Variants in ANKRD40 observed in about 807,000 individuals in gnomAD.
ANKRD40 encodes ankyrin repeat domain 40, also known as ankyrin repeat domain-containing protein 40.
Under a neutral mutation model 35.5 loss-of-function variants are expected in ANKRD40, and 24 were observed. The observed-to-expected ratio is 0.68, with a 90% CI of 0.49 to 0.95. The LOEUF (loss-of-function observed/expected upper bound fraction) is 0.95. Ranked by LOEUF, ANKRD40 falls within the 40% of genes least tolerant of loss-of-function variation. ANKRD40 has a pLI of 0.00. For missense variants in ANKRD40, 361 were observed against 436.0 expected, an observed-to-expected ratio of 0.83 and a Z score of 1.53; for synonymous variants, 147 against 173.5, an observed-to-expected ratio of 0.85 and a Z score of 1.20.
chr17:50,707,745 C>G lies in ANKRD40; in HGVS notation c.-91G>C, dbSNP rs1968360084. 2.0e-6 allele frequency: 2 copies of G among 987,786 alleles called. No individual in the cohort carries two copies. The highest frequency in any genetic ancestry group is 9.4e-5 in the South Asian group (2 of 21,324). The allele number at this position is 987,786 out of a possible 1,614,324, so 61.2% of individuals were successfully genotyped here. On this transcript the variant is annotated 5_prime_UTR_variant, in exon 1 of 5. Transcript: ENST00000285243. The surrounding 1 kb of genome is among the most constrained non-coding windows in gnomAD (Gnocchi z 4.8). The stretch of plus-strand genomic sequence containing the variant: ...CGCCGCCGTCGCCGCGGCCCGCTCC[C>G]GGCCATGGGGAGGGAGCGCGGAACT...
rs1968211481 is a variant in ANKRD40 at position 50,697,324 on chromosome 17, C to G, written c.779-203G>C. On this transcript the variant is annotated intron_variant, in intron 3 of 4. Transcript: ENST00000285243. ...GCCTCTGCTGGGGCAGTTTCCTGCA[C>G]TGTCGTCCGTACTTCTAAGGCTATG... Among the ~76,000 whole-genome samples the G allele has an allele frequency of 2.0e-5, 3 of 152,216 alleles. No homozygotes were observed. The East Asian group carries it at 5.8e-4, about 29-fold the overall frequency.
Position 50,707,559 on chromosome 17 carries a change from G to A in ANKRD40, c.96C>T (p.Ser32=), listed in dbSNP as rs1483285741. 2 of 1,608,174 alleles carry A rather than the reference G, an allele frequency of 1.2e-6. No individual in the cohort carries two copies. Among genetic ancestry groups the A allele is most frequent in the Admixed American group, 3.3e-5 (2 of 59,716 alleles). The change falls in exon 1 of 5, where the codon AGC becomes AGT. Residue 32 remains serine, a synonymous_variant. Transcript: ENST00000285243. The surrounding 1 kb of genome is among the most constrained non-coding windows in gnomAD (Gnocchi z 4.8). ...DIREVQKLVE[S]GVDVNSQNEV... ...CATTTTGGGAGTTCACATCCACCCCGCTCTCCACCAGTTTCTGCACCTCCC... is the reference window on the plus strand; with the variant it reads ...CATTTTGGGAGTTCACATCCACCCCACTCTCCACCAGTTTCTGCACCTCCC...
In ANKRD40 at chr17:50,694,226, T is replaced by G. The variant is rs191099238; in HGVS notation, c.*1771A>C. 10 of 151,762 alleles carry G rather than the reference T, an allele frequency of 6.6e-5. No individual in the cohort carries two copies. The highest frequency in any genetic ancestry group is 2.4e-4 in the African/African-American group (10 of 41,286). 9.4% of individuals were successfully genotyped at this position (151,762 alleles called of 1,614,324 possible). On this transcript the variant is annotated 3_prime_UTR_variant, in exon 5 of 5. Coordinates refer to ENST00000285243, the MANE Select transcript of ANKRD40 (RefSeq NM_052855.4). ...AACCTTCACTCTGCTATGCAAACAC[T>G]GTACAAGGGTGAGTAAGTCACCAGC...
At position 50,694,137 on chromosome 17, in the gene ANKRD40, A is replaced by AAAAAAAAAAAAAG. The variant is rs1052116288; in HGVS notation, c.*1859_*1860insCTTTTTTTTTTTT. 750 of 148,578 alleles carry AAAAAAAAAAAAAG rather than the reference A, an allele frequency of 5.0e-3. 46 individuals carry two copies. The highest frequency in any genetic ancestry group is 0.032 in the East Asian group (163 of 5,082). 9.2% of individuals were successfully genotyped at this position (148,578 alleles called of 1,614,324 possible). A position where few individuals can be genotyped will look rare whatever the true frequency, so the allele number is the denominator to read the frequency against. ...AAAGCAAGACTCCGTCTCAAAAAAAAAAAGAAAAGAAACACCAGGGAGGTT... is the reference window on the plus strand; with the variant it reads ...AAAGCAAGACTCCGTCTCAAAAAAAAAAAAAAAAAAAAGAAAGAAAAGAAACACCAGGGAGGTT... On this transcript the variant is annotated 3_prime_UTR_variant, in exon 5 of 5. Coordinates refer to ENST00000285243, the MANE Select transcript of ANKRD40 (RefSeq NM_052855.4).
chr17:50,706,972 C>G (rs1401113140), intron 1 of ANKRD40, among the ~76,000 whole-genome samples: 2 of 149,238 alleles, frequency 1.3e-5, no homozygotes, highest in African/African-American at 4.9e-5. Context: ...TGAGTTTTCC[C>G]TCAAACAGGC....
At chr17:50,705,845 G>C (rs562332757) in intron 1 of ANKRD40, among the ~76,000 whole-genome samples, 4 of 151,576 alleles carry the variant, frequency 2.6e-5, no homozygotes, top group Non-Finnish European at 4.4e-5. Flanking sequence ...ATCTTTAGTA[G>C]AGACAGGGTT....
chr17:50,705,224 C>G (rs1392752825), intron 1 of ANKRD40, among the ~76,000 whole-genome samples: 2 of 151,588 alleles, frequency 1.3e-5, no homozygotes, highest in African/African-American at 4.8e-5. Context: ...TCACAATACT[C>G]TTCTGGAACA....
At chr17:50,705,826 A>C (rs1968329562) in intron 1 of ANKRD40, among the ~76,000 whole-genome samples, 1 of 151,826 alleles carries the variant, frequency 6.6e-6, no homozygotes, top group Non-Finnish European at 1.5e-5. Flanking sequence ...ACCCCTGGCT[A>C]ATTTTTGTAT....
At chr17:50,706,852 C>T (rs1305345618) in intron 1 of ANKRD40, among the ~76,000 whole-genome samples, 1 of 129,136 alleles carries the variant, frequency 7.7e-6, no homozygotes, top group Non-Finnish European at 1.6e-5. Flanking sequence ...TGCAGTGAGC[C>T]GAGACTATGC....
intron 2 of ANKRD40, chr17:50,700,309 G>A (rs1351634518): frequency 3.3e-5 from 11 of 332,068 alleles, no homozygotes; most frequent in Non-Finnish European, 6.0e-5. Context: ...GAGACGTGGT[G>A]GCACATGCCT....
chr17:50,705,660 C>CA (rs1555602460), intron 1 of ANKRD40, among the ~76,000 whole-genome samples: 1 of 127,184 alleles, frequency 7.9e-6, no homozygotes, highest in Non-Finnish European at 1.7e-5. Flanking sequence ...GGAAGATAGA[C>CA]TTTTTTTTTT....
chr17:50,707,577 C>T lies in ANKRD40; in HGVS notation c.78G>A (p.Val26=). 1 of 1,608,442 alleles carries T rather than the reference C, an allele frequency of 6.2e-7. No individual in the cohort carries two copies. Among genetic ancestry groups the T allele is most frequent in the Non-Finnish European group, 8.5e-7 (1 of 1,177,264 alleles). Residue 26 remains valine (V), a synonymous_variant, in exon 1 of 5, where the codon GTG becomes GTA. Coordinates refer to ENST00000285243, the MANE Select transcript of ANKRD40 (RefSeq NM_052855.4). This position sits in a 1 kb window ranked among gnomAD's most constrained non-coding sequence, Gnocchi z 4.8. ...CCACCCCGCTCTCCACCAGTTTCTG[C>T]ACCTCCCGAATGTCCCCTAAGGCCG... ...EAAALGDIRE[V]QKLVESGVDV...
chr17:50,697,103 C>G lies in ANKRD40; in HGVS notation c.797G>C (p.Arg266Thr). The G allele has an allele frequency of 6.2e-7, 1 of 1,612,760 alleles. No individual in the cohort carries two copies. Residue 266 changes from arginine to threonine, a missense_variant, in exon 4 of 5, where the codon AGA (arginine) becomes ACA (threonine). Around this residue, in one of 5 missense-constraint regions of ANKRD40, gnomAD observed 93 missense variants for 129.6 expected, o/e 0.72. Transcript: ENST00000285243. ...FNMQELVLKV[R>T]IQNPSLREND... is the part of the protein sequence containing the mutation. ...TTCTCGAAGAGATGGGTTCTGAATT[C>G]TCACCTTGAGTACCAGCTCTAGAAA...
In ANKRD40 at chr17:50,695,988, C is replaced by G; in HGVS notation, c.*9G>C. 1 of 1,613,738 alleles carries G rather than the reference C, an allele frequency of 6.2e-7. No individual in the cohort carries two copies. The highest frequency in any genetic ancestry group is 1.1e-5 in the South Asian group (1 of 91,044). The stretch of plus-strand genomic sequence containing the variant: ...GTCATAATACTCAGTGATAAAAGTC[C>G]CTGCTGCATTAGTAAGTCAGTTTTG... On this transcript the variant is annotated 3_prime_UTR_variant, in exon 5 of 5. Transcript: ENST00000285243.
intron 1 of ANKRD40, among the ~76,000 whole-genome samples, chr17:50,703,612 C>T (rs531700134): frequency 1.3e-5 from 2 of 152,112 alleles, no homozygotes; most frequent in South Asian, 2.1e-4. Flanking sequence ...GAAGACAAAA[C>T]GCAAAGATCT....
intron 3 of ANKRD40, among the ~76,000 whole-genome samples, chr17:50,698,369 A>G (rs1305815804): frequency 6.6e-6 from 1 of 152,174 alleles, no homozygotes; most frequent in Non-Finnish European, 1.5e-5. Context: ...AAATGATAGT[A>G]ACAGATTATA....
At chr17:50,697,739 G>A (rs1968217379) in intron 3 of ANKRD40, among the ~76,000 whole-genome samples, 1 of 152,130 alleles carries the variant, frequency 6.6e-6, no homozygotes, top group Admixed American at 6.5e-5. Context: ...TCTGAACCTG[G>A]CTGCCAAGAC....
At position 50,700,674 on chromosome 17, in the gene ANKRD40, C is replaced by T. The variant is rs774908164; in HGVS notation, c.177G>A (p.Val59=). Residue 59 remains valine (V), a synonymous_variant, in exon 2 of 5, where the codon GTG becomes GTA. Coordinates refer to ENST00000285243, the MANE Select transcript of ANKRD40 (RefSeq NM_052855.4). ...CTCCTGATTTTAACAGGTAAGAGAC[C>T]ACCTGACCATGGTTTCGTTTACATG... is the stretch of plus-strand genomic sequence containing the variant. ...HWACKRNHGQ[V]VSYLLKSGAD... is the part of the protein sequence containing the mutation. 1 of 1,613,942 alleles carries T rather than the reference C, an allele frequency of 6.2e-7. No homozygotes were observed. Among genetic ancestry groups the T allele is most frequent in the South Asian group, 1.1e-5 (1 of 91,080 alleles).
intron 1 of ANKRD40, among the ~76,000 whole-genome samples, chr17:50,704,087 T>C (rs1011303467): frequency 1.3e-5 from 2 of 151,586 alleles, no homozygotes; most frequent in African/African-American, 4.9e-5. Context: ...GTGCCAAGGG[T>C]TCTGGCCTGA....
Sources: gnomAD v4.1 joint callset for allele counts (sites outside exome capture counted in the v4.1 genomes callset) on GRCh38, gnomAD v4.1.1 for gene constraint, gnomAD v4.1.1 regional missense constraint, Gnocchi (gnomAD v3.1) non-coding constraint, MANE v1.5 for transcripts, NCBI Gene and HGNC (gene_info 2026-07-23, HGNC 2026-07-21) for gene names.